The following MEGF10 variants were observed in gnomAD, a reference collection of about 807,000 sequenced individuals.
MEGF10 encodes multiple EGF like domains 10, also known as multiple epidermal growth factor-like domains protein 10.
MEGF10 carries 86 observed loss-of-function variants against 147.5 expected under a neutral mutation model. That is an observed-to-expected ratio of 0.58 (90% CI 0.49 to 0.70). The LOEUF (loss-of-function observed/expected upper bound fraction) is 0.70. Ranked by LOEUF, MEGF10 falls within the 30% of genes least tolerant of loss-of-function variation. The pLI, the probability that MEGF10 is intolerant of heterozygous loss-of-function variation, is 0.00. For missense variants in MEGF10, 1,329 were observed against 1,487.3 expected (o/e 0.89, Z 1.75); for synonymous variants, 478 against 525.5 (o/e 0.91, Z 1.24).
At chr5:127,373,768 A>T (rs1210334336) in intron 5 of MEGF10, among the ~76,000 whole-genome samples, 1 of 152,152 alleles carries the variant, frequency 6.6e-6, no homozygotes, top group East Asian at 1.9e-4. Flanking sequence ...ATCTCTAGAG[A>T]ATATAGGAAT....
the MEGF10 span, among the ~76,000 whole-genome samples, chr5:127,246,114 C>G: frequency 5.9e-5 from 9 of 152,132 alleles, no homozygotes; most frequent in African/African-American, 2.2e-4. Context: ...GGTATATACT[C>G]AAAGGATTAT....
chr5:127,257,475 G>T, the MEGF10 span, among the ~76,000 whole-genome samples: 1 of 152,040 alleles, frequency 6.6e-6, no homozygotes, highest in Non-Finnish European at 1.5e-5. Context: ...TTGATTCAAA[G>T]AACTCAGCAT....
the MEGF10 span, among the ~76,000 whole-genome samples, chr5:127,283,454 CCCACT>C: frequency 2.0e-5 from 3 of 152,174 alleles, no homozygotes; most frequent in Non-Finnish European, 2.9e-5. Context: ...CAAGCATGAT[CCCACT>C]CCACAGTAAG....
chr5:127,449,066 T>G (rs1202959497), intron 21 of MEGF10, 33 bp from the exon 22 acceptor site: 5 of 1,612,878 alleles, frequency 3.1e-6, no homozygotes, highest in Non-Finnish European at 4.2e-6. Context: ...TTGTATTTTG[T>G]TTTTAATCTT....
intron 2 of MEGF10, among the ~76,000 whole-genome samples, chr5:127,336,809 G>A (rs1341047837): frequency 6.6e-6 from 1 of 152,046 alleles, no homozygotes; most frequent in Non-Finnish European, 1.5e-5. Context: ...AATTTAGAGT[G>A]GCTTCTTTTT....
Position 127,331,429 on chromosome 5 carries a change from T to C in MEGF10, c.116+5T>C. The C allele has an allele frequency of 1.3e-6, 2 of 1,568,630 alleles. No individual in the cohort carries two copies. The highest frequency in any genetic ancestry group is 1.8e-6 in the Non-Finnish European group (2 of 1,141,136). Reference sequence around the variant, plus strand: ...TGTGTGTAGCCACTGGGAAAGGTAATGGTTTTGAAAGGAGCCTGACAAAGA... The same window carrying C: ...TGTGTGTAGCCACTGGGAAAGGTAACGGTTTTGAAAGGAGCCTGACAAAGA... On this transcript the variant is annotated splice_donor_5th_base_variant and intron_variant, in intron 2 of 24. Coordinates refer to ENST00000503335, the MANE Select transcript of MEGF10 (RefSeq NM_001256545.2).
At chr5:127,419,980 AAG>A in intron 11 of MEGF10, 62 bp from the exon 12 acceptor site, 1 of 1,559,108 alleles carries the variant, frequency 6.4e-7, no homozygotes, top group East Asian at 2.3e-5. Flanking sequence ...GTGGTTTGGA[AAG>A]GCTCAACAAG....
the MEGF10 span, among the ~76,000 whole-genome samples, chr5:127,243,269 A>G: frequency 6.6e-6 from 1 of 152,164 alleles, no homozygotes; most frequent in African/African-American, 2.4e-5. Context: ...TTTCATGGGC[A>G]TATTTCCCTG....
intron 5 of MEGF10, among the ~76,000 whole-genome samples, chr5:127,382,090 C>T (rs1763287564): frequency 6.6e-6 from 1 of 152,156 alleles, no homozygotes; most frequent in African/African-American, 2.4e-5. Flanking sequence ...CAGAATTTCC[C>T]CCCAAAAGCT....
At chr5:127,251,390 T>C in the MEGF10 span, among the ~76,000 whole-genome samples, 3 of 152,038 alleles carry the variant, frequency 2.0e-5, no homozygotes, top group African/African-American at 4.8e-5. Context: ...GGTTTCCTTA[T>C]GCGTAAAAGA....
intron 4 of MEGF10, among the ~76,000 whole-genome samples, chr5:127,347,819 C>T (rs1326824188): frequency 3.3e-5 from 5 of 152,046 alleles, no homozygotes. Context: ...AGCTACCCTG[C>T]ATGTGTAATG....
At chr5:127,328,022 G>A (rs1191664826) in intron 1 of MEGF10, among the ~76,000 whole-genome samples, 1 of 152,024 alleles carries the variant, frequency 6.6e-6, no homozygotes, top group Non-Finnish European at 1.5e-5. Context: ...TGGCCTAAAT[G>A]TCCTATCAAC....
intron 20 of MEGF10, 92 bp from the exon 21 acceptor site, chr5:127,447,465 C>T (rs1458006317): frequency 1.9e-6 from 3 of 1,561,890 alleles, no homozygotes; most frequent in Non-Finnish European, 2.6e-6. Context: ...GCGTGAGCCA[C>T]CTCGCTGGGC....
At chr5:127,347,299 C>G (rs1037772927) in intron 4 of MEGF10, among the ~76,000 whole-genome samples, 25 of 151,940 alleles carry the variant, frequency 1.6e-4, no homozygotes, top group African/African-American at 5.8e-4. Flanking sequence ...TTTAATGTCA[C>G]ATAACTGCCT....
At chr5:127,346,301 T>G (rs1761886143) in intron 4 of MEGF10, among the ~76,000 whole-genome samples, 1 of 152,210 alleles carries the variant, frequency 6.6e-6, no homozygotes, top group Non-Finnish European at 1.5e-5. Flanking sequence ...CCATAGTGGT[T>G]GTACTAGTTT....
intron 13 of MEGF10, among the ~76,000 whole-genome samples, chr5:127,427,049 G>C (rs1439167364): frequency 2.0e-5 from 3 of 152,180 alleles, no homozygotes; most frequent in African/African-American, 7.2e-5. Flanking sequence ...GAAAAGATTT[G>C]GAAATCCCTC....
Position 127,435,489 on chromosome 5 carries a change from C to G in MEGF10, c.2104C>G (p.Pro702Ala), listed in dbSNP as rs145440199. The G allele has an allele frequency of 4.3e-6, 7 of 1,611,926 alleles. No individual in the cohort carries two copies. Among genetic ancestry groups the G allele is most frequent in the Non-Finnish European group, 5.1e-6 (6 of 1,179,262 alleles). The change falls in exon 16 of 25, where the codon CCA (proline) becomes GCA (alanine). Residue 702 changes from proline to alanine, a missense_variant and splice_region_variant. Physicochemically the swap from Pro to Ala is conservative, Grantham distance 27. Around this residue, in one of 3 missense-constraint regions of MEGF10, gnomAD observed 980 missense variants for 1,085.9 expected, o/e 0.90. Transcript: ENST00000503335. ...PGWIGSDCSQ[P>A]CPPAHWGPNC... ...TTGGATTGGCAGTGACTGCTCTCAA[C>G]GTAAGTCTTGTTTGAGAACAATTAA... is the stretch of plus-strand genomic sequence containing the variant.
chr5:127,358,068 A>G (rs895212990), intron 4 of MEGF10, among the ~76,000 whole-genome samples: 2 of 152,178 alleles, frequency 1.3e-5, no homozygotes, highest in African/African-American at 4.8e-5. Flanking sequence ...AAACTGTAGC[A>G]CTTCTCCTTT....
At chr5:127,298,282 A>G (rs992610557) in intron 1 of MEGF10, among the ~76,000 whole-genome samples, 5 of 152,118 alleles carry the variant, frequency 3.3e-5, no homozygotes, top group African/African-American at 1.2e-4. Context: ...ACCCACACCC[A>G]CATTCCTATT....
Sources: gnomAD v4.1 joint callset for allele counts (sites outside exome capture counted in the v4.1 genomes callset) on GRCh38, gnomAD v4.1.1 for gene constraint, gnomAD v4.1.1 regional missense constraint, MANE v1.5 for transcripts, NCBI Gene and HGNC (gene_info 2026-07-23, HGNC 2026-07-21) for gene names.